DNAJC4: variants seen among roughly 807,000 people sequenced by gnomAD.
The protein encoded by DNAJC4 is dnaJ homolog subfamily C member 4.
A neutral mutation model predicts 26.8 loss-of-function variants in DNAJC4; 26 were observed. The ratio of observed to expected loss-of-function variants is 0.97; its 90% CI spans 0.71 to 1.34. The LOEUF (loss-of-function observed/expected upper bound fraction) is 1.34. DNAJC4 is among the 40% of genes most tolerant of loss of function. DNAJC4 has a pLI of 0.00. For missense variants in DNAJC4, 342 were observed against 321.1 expected (o/e 1.07, Z -0.50); for synonymous variants, 134 against 127.8 (o/e 1.05, Z -0.33).
At chr11:64,232,915 GA>G in intron 4 of DNAJC4, 50 bp downstream of exon 4, 1 of 1,507,172 alleles carries the variant, frequency 6.6e-7, no homozygotes, top group East Asian at 2.3e-5. Flanking sequence ...GAGGGTGGGT[GA>G]ATTCCAGTGT....
chr11:64,232,878 C>T lies in DNAJC4; in HGVS notation c.527+13C>T. 1 of 1,563,868 alleles carries T rather than the reference C, an allele frequency of 6.4e-7. No homozygotes were observed. The highest frequency in any genetic ancestry group is 1.2e-5 in the South Asian group (1 of 83,764). On this transcript the variant is annotated intron_variant, in intron 4 of 5. Transcript: ENST00000628077. Reference sequence around the variant, plus strand: ...ACATTGCCTTCAGGTGATGCCTGTTCTCCCCGGGGTGATGGGCAGAGGGCA... The same window carrying T: ...ACATTGCCTTCAGGTGATGCCTGTTTTCCCCGGGGTGATGGGCAGAGGGCA...
At position 64,231,859 on chromosome 11, in the gene DNAJC4, C is replaced by T. The variant is rs117587977; in HGVS notation, c.87-12C>T. ...CCTTCAGCCCCTGCAAGGTTTGGGACTCTGTCCACAGGTCCAGACCCAGTA... is the reference window on the plus strand; with the variant it reads ...CCTTCAGCCCCTGCAAGGTTTGGGATTCTGTCCACAGGTCCAGACCCAGTA... On this transcript the variant is annotated splice_polypyrimidine_tract_variant and intron_variant, in intron 1 of 5. Transcript: ENST00000628077. The T allele has an allele frequency of 0.01, 16,240 of 1,613,824 alleles. 109 individuals are homozygous for T. The highest frequency in any genetic ancestry group is 0.015 in the Middle Eastern group (88 of 6,060).
At position 64,234,204 on chromosome 11, in the gene DNAJC4, C is replaced by T. The variant is rs1565315684; in HGVS notation, c.*20C>T. The T allele has an allele frequency of 1.3e-6, 2 of 1,540,118 alleles. No homozygotes were observed. Among genetic ancestry groups the T allele is most frequent in the Non-Finnish European group, 1.7e-6 (2 of 1,147,466 alleles). On this transcript the variant is annotated 3_prime_UTR_variant, in exon 6 of 6. Coordinates refer to ENST00000628077, the MANE Select transcript of DNAJC4 (RefSeq NM_005528.4). The surrounding 1 kb of genome is among the most constrained non-coding windows in gnomAD (Gnocchi z 5.3). The stretch of plus-strand genomic sequence containing the variant: ...CCCTGAGGGGCTCACCTGGATGGGG[C>T]CTGCAGTGCGTTCCCGCTTTGCTTC...
rs775214653 is a variant in DNAJC4 at position 64,230,592 on chromosome 11, T to G, written c.-263T>G. The G allele has an allele frequency of 1.3e-4, 80 of 608,060 alleles. No homozygotes were observed. The highest frequency in any genetic ancestry group is 2.2e-4 in the Non-Finnish European group (75 of 338,166). The allele number at this position is 608,060 out of a possible 1,614,324, so 37.7% of individuals were successfully genotyped here. A position where few individuals can be genotyped will look rare whatever the true frequency, so the allele number is the denominator to read the frequency against. ...AAGTTCCCTGGGTGGGAACGGGGTC[T>G]TGGGGTCCCTGGCTGGGTGGCCAGA... is the stretch of plus-strand genomic sequence containing the variant. On this transcript the variant is annotated 5_prime_UTR_variant, in exon 1 of 6. Coordinates refer to ENST00000628077, the MANE Select transcript of DNAJC4 (RefSeq NM_005528.4).
chr11:64,232,856 T>C lies in DNAJC4; in HGVS notation c.518T>C (p.Ile173Thr). The C allele has an allele frequency of 6.3e-7, 1 of 1,594,150 alleles. No individual in the cohort carries two copies. The highest frequency in any genetic ancestry group is 8.6e-7 in the Non-Finnish European group (1 of 1,168,662). The change falls in exon 4 of 6, where the codon ATT (isoleucine) becomes ACT (threonine). Residue 173 changes from isoleucine (I) to threonine (T), a missense_variant. Coordinates refer to ENST00000628077, the MANE Select transcript of DNAJC4 (RefSeq NM_005528.4). Reference protein sequence around the residue: ...LMLAGMGLHYIAFRKVKQMHL... With the variant: ...LMLAGMGLHYTAFRKVKQMHL... Reference sequence around the variant, plus strand: ...CTGGCGGGCATGGGCCTGCACTACATTGCCTTCAGGTGATGCCTGTTCTCC... The same window carrying C: ...CTGGCGGGCATGGGCCTGCACTACACTGCCTTCAGGTGATGCCTGTTCTCC...
rs997000777 is a variant in DNAJC4 at position 64,234,004 on chromosome 11, C to T, written c.614+24C>T. The T allele has an allele frequency of 1.1e-5, 17 of 1,613,944 alleles. No individual in the cohort carries two copies. The highest frequency in any genetic ancestry group is 1.4e-5 in the Non-Finnish European group (16 of 1,180,032). ...AGGTCTGTCCCTGCTCTATTCTGCT[C>T]CCTGCTCCCTGTCCAGGAACCACAC... On this transcript the variant is annotated intron_variant, in intron 5 of 5. Transcript: ENST00000628077. The surrounding 1 kb of genome is among the most constrained non-coding windows in gnomAD (Gnocchi z 5.3).
rs781485198 is a variant in DNAJC4 at position 64,234,108 on chromosome 11, G to A, written c.650G>A (p.Arg217Gln). The change falls in exon 6 of 6, where the codon CGG (arginine) becomes CAG (glutamine). Residue 217 changes from arginine to glutamine, a missense_variant. Transcript: ENST00000628077. This position sits in a 1 kb window ranked among gnomAD's most constrained non-coding sequence, Gnocchi z 5.3. ...GGCATCCTTCAGCAGGAGCGACAAC[G>A]GCTAGGGCAGCGGCAGCCGCCACCA... ...NRGILQQERQ[R>Q]LGQRQPPPSE... 3.7e-6 allele frequency: 6 copies of A among 1,606,704 alleles called. No homozygotes were observed. The highest frequency in any genetic ancestry group is 1.7e-5 in the Admixed American group (1 of 58,918).
chr11:64,232,942 C>T, intron 4 of DNAJC4, 77 bp downstream of exon 4: 1 of 1,461,074 alleles, frequency 6.8e-7, no homozygotes, highest in Non-Finnish European at 9.1e-7. Context: ...GCCAGTCCTC[C>T]ACAGCACCTC....
chr11:64,231,002 G>C (rs777213945), intron 1 of DNAJC4, 62 bp downstream of exon 1: 5 of 1,529,112 alleles, frequency 3.3e-6, no homozygotes, highest in East Asian at 2.4e-5. Context: ...CCTACGTGCT[G>C]AGTTAGTTGT....
At chr11:64,233,863 G>T in intron 4 of DNAJC4, 31 bp from the exon 5 acceptor site, 10 of 1,606,334 alleles carry the variant, frequency 6.2e-6, no homozygotes, top group Non-Finnish European at 8.5e-6. Flanking sequence ...GCAGGAATTG[G>T]ATTCCCAGGG....
rs968112292 is a variant in DNAJC4 at position 64,230,844 on chromosome 11, C to T, written c.-11C>T. ...TTGGTAGCCTCCTTTCCCAGCTGCC[C>T]GCCCGCCGCCATGCCGCCCTTACTG... On this transcript the variant is annotated 5_prime_UTR_variant, in exon 1 of 6. Transcript: ENST00000628077. 3.1e-6 allele frequency: 5 copies of T among 1,594,166 alleles called. No homozygotes were observed. In the African/African-American group the frequency reaches 4.0e-5, roughly 13 times the overall value.
At chr11:64,231,734 GAGAC>G in intron 1 of DNAJC4, 133 bp from the exon 2 acceptor site, 1 of 703,048 alleles carries the variant, frequency 1.4e-6, no homozygotes, top group Non-Finnish European at 2.5e-6. Flanking sequence ...TGCTGATCTG[GAGAC>G]AGATCTGTCC....
In DNAJC4 at chr11:64,232,520, A is replaced by G. The variant is rs1198473907; in HGVS notation, c.271A>G (p.Ser91Gly). The G allele has an allele frequency of 6.2e-7, 1 of 1,613,278 alleles. No homozygotes were observed. The highest frequency in any genetic ancestry group is 1.3e-5 in the African/African-American group (1 of 74,882). The change falls in exon 3 of 6, where the codon AGC (serine) becomes GGC (glycine). Residue 91 changes from serine (S) to glycine (G), a missense_variant. By Grantham distance (56) the Ser-to-Gly change is moderately conservative. Transcript: ENST00000628077. ...EAYRVLSREQ[S>G]RRSYDDQLRS... is the part of the protein sequence containing the mutation. The stretch of plus-strand genomic sequence containing the variant: ...ATACCGTGTGCTCAGCCGTGAGCAG[A>G]GCCGCCGCAGCTATGATGACCAGCT...
Position 64,233,976 on chromosome 11 carries a change from G to A in DNAJC4, c.610G>A (p.Ala204Thr), listed in dbSNP as rs759910791. The A allele has an allele frequency of 9.3e-6, 15 of 1,613,948 alleles. No homozygotes were observed. Residue 204 changes from alanine to threonine, a missense_variant, in exon 5 of 6, where the codon GCC becomes ACC. Physicochemically the swap from Ala to Thr is moderately conservative, Grantham distance 58. Coordinates refer to ENST00000628077, the MANE Select transcript of DNAJC4 (RefSeq NM_005528.4). ...CTTCTACAACGAAGCCCGGGCACGG[G>A]CCAGGTCTGTCCCTGCTCTATTCTG... is the stretch of plus-strand genomic sequence containing the variant. Reference protein sequence around the residue: ...TAFYNEARARARANRGILQQE... With the variant: ...TAFYNEARARTRANRGILQQE...
Position 64,231,925 on chromosome 11 carries a change from T to G in DNAJC4, c.141T>G (p.Thr47=). Reference sequence around the variant, plus strand: ...TGGGGGTGCATCCTGGTGCCAGCACTGAGGAAGTTAAACGAGCTTTCTTCT... The same window carrying G: ...TGGGGGTGCATCCTGGTGCCAGCACGGAGGAAGTTAAACGAGCTTTCTTCT... ...ELLGVHPGAS[T]EEVKRAFFSK... is the part of the protein sequence containing the mutation. Residue 47 remains threonine, a synonymous_variant, in exon 2 of 6, where the codon ACT becomes ACG. Transcript: ENST00000628077. 1 of 1,614,074 alleles carries G rather than the reference T, an allele frequency of 6.2e-7. No individual in the cohort carries two copies. The highest frequency in any genetic ancestry group is 8.5e-7 in the Non-Finnish European group (1 of 1,179,994).
At position 64,234,199 on chromosome 11, in the gene DNAJC4, TG is replaced by T; in HGVS notation, c.*19del. On this transcript the variant is annotated 3_prime_UTR_variant, in exon 6 of 6. Coordinates refer to ENST00000628077, the MANE Select transcript of DNAJC4 (RefSeq NM_005528.4). The surrounding 1 kb of genome is among the most constrained non-coding windows in gnomAD (Gnocchi z 5.3). The stretch of plus-strand genomic sequence containing the variant: ...CCGGCCCCTGAGGGGCTCACCTGGA[TG>T]GGGCCTGCAGTGCGTTCCCGCTTTG... 1 of 1,545,002 alleles carries T rather than the reference TG, an allele frequency of 6.5e-7. No individual in the cohort carries two copies.
rs1947211180 is a variant in DNAJC4 at position 64,233,961 on chromosome 11, G to A, written c.595G>A (p.Glu199Lys). The A allele has an allele frequency of 1.2e-6, 2 of 1,614,082 alleles. No individual in the cohort carries two copies. Among genetic ancestry groups the A allele is most frequent in the African/African-American group, 1.3e-5 (1 of 75,056 alleles). ...TCGGATCATCACAGCCTTCTACAAC[G>A]AAGCCCGGGCACGGGCCAGGTCTGT... is the stretch of plus-strand genomic sequence containing the variant. ...KDRIITAFYN[E>K]ARARARANRG... Residue 199 changes from glutamate (E) to lysine (K), a missense_variant, in exon 5 of 6, where the codon GAA becomes AAA. Physicochemically the swap from Glu to Lys is moderately conservative, Grantham distance 56. Coordinates refer to ENST00000628077, the MANE Select transcript of DNAJC4 (RefSeq NM_005528.4).
At chr11:64,232,888 T>C (rs1591076196) in intron 4 of DNAJC4, 23 bp downstream of exon 4, 2 of 1,546,624 alleles carry the variant, frequency 1.3e-6, no homozygotes, top group African/African-American at 2.7e-5. Flanking sequence ...CTCCCCGGGG[T>C]GATGGGCAGA....
At chr11:64,232,088 A>C in intron 2 of DNAJC4, 124 bp downstream of exon 2, 1 of 970,850 alleles carries the variant, frequency 1.0e-6, no homozygotes, top group Non-Finnish European at 1.6e-6. Flanking sequence ...CCTCATAGGG[A>C]GTGGCAGGTG....
Sources: allele counts gnomAD v4.1 joint callset, GRCh38; gene constraint gnomAD v4.1.1; non-coding constraint Gnocchi (gnomAD v3.1); transcripts MANE v1.5; gene names NCBI Gene and HGNC (gene_info 2026-07-23, HGNC 2026-07-21).